The following ATRNL1 variants were observed in gnomAD, a reference collection of about 807,000 sequenced individuals.
The protein encoded by ATRNL1 is attractin like 1.
A neutral mutation model predicts 182.7 loss-of-function variants in ATRNL1; 95 were observed. The ratio of observed to expected loss-of-function variants is 0.52; its 90% CI spans 0.44 to 0.62. The LOEUF is 0.62. Among genes scored for constraint, ATRNL1 ranks in the 20% least tolerant of loss-of-function variants. The pLI is 0.00. For synonymous variants in ATRNL1, 576 were observed against 568.3 expected (o/e 1.01, Z -0.19); for missense variants, 1,471 against 1,679.5 (o/e 0.88, Z 2.17).
At chr10:115,608,340 G>T (rs1172298435) in intron 26 of ATRNL1, among the ~76,000 whole-genome samples, 1 of 151,916 alleles carries the variant, frequency 6.6e-6, no homozygotes, top group African/African-American at 2.4e-5. Context: ...CTGAACTCTG[G>T]TGTTAAAAAA....
rs542364429 is a variant in ATRNL1, at chr10:115,680,124, A to G, written c.3796-47124A>G. On this transcript the variant is annotated intron_variant, in intron 26 of 28. Coordinates refer to ENST00000355044, the MANE Select transcript of ATRNL1 (RefSeq NM_207303.4). Reference sequence around the variant, plus strand: ...GCCACAGAGTTTAGGTTTTTGTAACAGCAGCGCTCTACTCCTGATACCAAT... The same window carrying G: ...GCCACAGAGTTTAGGTTTTTGTAACGGCAGCGCTCTACTCCTGATACCAAT... 2.0e-5 allele frequency among the ~76,000 whole-genome samples: 3 copies of G among 152,244 alleles called. No homozygotes were observed. The South Asian group carries it at 6.2e-4, about 32-fold the overall frequency.
chr10:115,342,757 G>A (rs11527959), intron 19 of ATRNL1, among the ~76,000 whole-genome samples: 33,766 of 151,662 alleles, frequency 0.22, 4,703 homozygotes, highest in Non-Finnish European at 0.31. Flanking sequence ...ACTCCCTTTA[G>A]CATTTCTTTT....
chr10:115,360,522 A>T (rs1554943901), intron 19 of ATRNL1, among the ~76,000 whole-genome samples: 1 of 151,708 alleles, frequency 6.6e-6, no homozygotes, highest in Non-Finnish European at 1.5e-5. Flanking sequence ...GAAATCAGAA[A>T]CTTAACATTG....
chr10:115,232,783 C>T (rs1405073711), intron 9 of ATRNL1, among the ~76,000 whole-genome samples: 2 of 152,006 alleles, frequency 1.3e-5, no homozygotes, highest in Non-Finnish European at 2.9e-5. Flanking sequence ...TAGTGGTCTG[C>T]AATACTAACA....
At chr10:115,783,128 G>A (rs782269243) in intron 27 of ATRNL1, among the ~76,000 whole-genome samples, 3 of 152,092 alleles carry the variant, frequency 2.0e-5, no homozygotes, top group Non-Finnish European at 2.9e-5. Flanking sequence ...AAAGTCTAAT[G>A]GCACTGCAGA....
At chr10:115,648,888 A>G (rs565000106) in intron 26 of ATRNL1, among the ~76,000 whole-genome samples, 2 of 152,246 alleles carry the variant, frequency 1.3e-5, no homozygotes, top group African/African-American at 4.8e-5. Context: ...GTGGTAGAAC[A>G]TTTGTGTGTG....
At chr10:115,492,592 A>G (rs536261339) in intron 24 of ATRNL1, among the ~76,000 whole-genome samples, 3 of 144,966 alleles carry the variant, frequency 2.1e-5, no homozygotes, top group East Asian at 2.0e-4. Flanking sequence ...TACTTTATAT[A>G]TTATATATAT....
At chr10:115,689,469 T>G (rs1391388139) in intron 26 of ATRNL1, among the ~76,000 whole-genome samples, 4 of 152,202 alleles carry the variant, frequency 2.6e-5, no homozygotes, top group Non-Finnish European at 5.9e-5. Context: ...GTGTTTTCAT[T>G]TTCATTTGCT....
intron 24 of ATRNL1, among the ~76,000 whole-genome samples, chr10:115,493,080 CT>C (rs554544496): frequency 7.3e-5 from 11 of 150,824 alleles, no homozygotes; most frequent in African/African-American, 9.8e-5. Flanking sequence ...AAAAAATAAT[CT>C]TTTTTTTTGC....
At chr10:115,707,319 T>C (rs927713806) in intron 26 of ATRNL1, among the ~76,000 whole-genome samples, 1 of 151,824 alleles carries the variant, frequency 6.6e-6, no homozygotes, top group Non-Finnish European at 1.5e-5. Context: ...AAAATGTATA[T>C]TTAAGTAAGT....
At chr10:115,662,113 A>C (rs1015462849) in intron 26 of ATRNL1, among the ~76,000 whole-genome samples, 35 of 151,736 alleles carry the variant, frequency 2.3e-4, no homozygotes, top group Non-Finnish European at 4.7e-4. Context: ...TGAACTCATC[A>C]TTTTTTATGG....
chr10:115,420,611 T>C (rs1336913834), intron 20 of ATRNL1, among the ~76,000 whole-genome samples: 1 of 151,878 alleles, frequency 6.6e-6, no homozygotes, highest in Non-Finnish European at 1.5e-5. Context: ...AAAGTAGAAA[T>C]ATCTCAAATA....
Position 115,467,206 on chromosome 10 carries a change from A to C in ATRNL1, c.3450A>C (p.Ala1150=), listed in dbSNP as rs782326032. ...SNKNLDISIN[A]SNNFNLNITW... is the part of the protein sequence containing the mutation. ...AAAATCTGGATATATCAATTAATGC[A>C]TCAAACAACTTTAATCTCAACATTA... The change falls in exon 23 of 29, where the codon GCA becomes GCC. Residue 1150 remains alanine (A), a synonymous_variant. Transcript: ENST00000355044. 1 of 1,605,316 alleles carries C rather than the reference A, an allele frequency of 6.2e-7. No homozygotes were observed. Among genetic ancestry groups the C allele is most frequent in the African/African-American group, 1.3e-5 (1 of 74,526 alleles).
At chr10:115,406,876 A>G (rs1844856988) in intron 20 of ATRNL1, among the ~76,000 whole-genome samples, 1 of 152,114 alleles carries the variant, frequency 6.6e-6, no homozygotes, top group South Asian at 2.1e-4. Flanking sequence ...CAGTATATCC[A>G]TCTTTTCCCT....
rs71010046 is a variant in ATRNL1 at position 115,738,154 on chromosome 10, T to TTTTTTC, written c.3903+10801_3903+10802insTTTCTT. ...TTTTTTTTTTTTTTTTTTTTTTTTT[T>TTTTTTC]TTGAGATGGAGTCCTGCTCTGTCGC... On this transcript the variant is annotated intron_variant, in intron 27 of 28. Coordinates refer to ENST00000355044, the MANE Select transcript of ATRNL1 (RefSeq NM_207303.4). 1.3e-3 allele frequency among the ~76,000 whole-genome samples: 82 copies of TTTTTTC among 63,914 alleles called. 6 individuals are homozygous for TTTTTTC. The highest frequency in any genetic ancestry group is 3.4e-3 in the South Asian group (5 of 1,476). The allele number at this position is 63,914 out of a possible 152,430, so 41.9% of individuals were successfully genotyped here. A position where few individuals can be genotyped will look rare whatever the true frequency, so the allele number is the denominator to read the frequency against.
intron 24 of ATRNL1, among the ~76,000 whole-genome samples, chr10:115,490,568 C>T (rs1849249427): frequency 6.6e-6 from 1 of 152,084 alleles, no homozygotes; most frequent in South Asian, 2.1e-4. Flanking sequence ...TTTTTCAGCT[C>T]CATCAGGTCA....
intron 8 of ATRNL1, among the ~76,000 whole-genome samples, chr10:115,202,658 A>G (rs532771440): frequency 6.8e-6 from 1 of 146,212 alleles, no homozygotes; most frequent in East Asian, 2.0e-4. Flanking sequence ...GGATTTTTGC[A>G]TCAATGTTCA....
At chr10:115,296,663 A>G (rs1309895745) in intron 15 of ATRNL1, among the ~76,000 whole-genome samples, 1 of 151,986 alleles carries the variant, frequency 6.6e-6, no homozygotes, top group Non-Finnish European at 1.5e-5. Flanking sequence ...ATATTGCAAT[A>G]TGGTACTTCT....
At position 115,450,016 on chromosome 10, in the gene ATRNL1, A is replaced by G. The variant is rs1847207307; in HGVS notation, c.3323-11925A>G. 2.0e-5 allele frequency among the ~76,000 whole-genome samples: 3 copies of G among 152,202 alleles called. 1 individual carries two copies. The highest frequency in any genetic ancestry group is 2.0e-4 in the Admixed American group (3 of 15,276). ...TGGTTTGACACAAGCAAATCAATAA[A>G]TGTGATTCATCACAAAAACAGAACT... On this transcript the variant is annotated intron_variant, in intron 21 of 28. Transcript: ENST00000355044.
Sources: allele counts gnomAD v4.1 joint callset (sites outside exome capture counted in the v4.1 genomes callset), GRCh38; gene constraint gnomAD v4.1.1; transcripts MANE v1.5; gene names NCBI Gene and HGNC (gene_info 2026-07-23, HGNC 2026-07-21).